The following GPATCH8 variants were observed in gnomAD, a reference collection of about 807,000 sequenced individuals.
GPATCH8 encodes G-patch domain containing 8, also known as G patch domain-containing protein 8.
GPATCH8 carries 18 observed loss-of-function variants against 118.3 expected under a neutral mutation model. That is an observed-to-expected ratio of 0.15 (90% CI 0.11 to 0.23). The LOEUF (loss-of-function observed/expected upper bound fraction) is 0.23. Among genes scored for constraint, GPATCH8 ranks in the 10% least tolerant of loss-of-function variants. The probability of loss-of-function intolerance (pLI) is 1.00; values close to 1 mark genes in which losing one functional copy is unlikely to be tolerated. For missense variants in GPATCH8, 1,631 were observed against 1,873.8 expected, an observed-to-expected ratio of 0.87 and a Z score of 2.39; for synonymous variants, 659 against 684.7, an observed-to-expected ratio of 0.96 and a Z score of 0.59.
intron 1 of GPATCH8, among the ~76,000 whole-genome samples, chr17:44,493,327 C>T (rs1453193240): frequency 1.3e-5 from 2 of 152,140 alleles, no homozygotes; most frequent in Non-Finnish European, 2.9e-5. Flanking sequence ...TCCCAAAGTG[C>T]TGGGATTACA....
intron 6 of GPATCH8, among the ~76,000 whole-genome samples, chr17:44,412,599 G>A (rs533409939): frequency 1.3e-5 from 2 of 152,000 alleles, no homozygotes; most frequent in African/African-American, 2.4e-5. Flanking sequence ...GGCCAGGCTG[G>A]TCTTGAACTC....
rs765237108 is a variant in GPATCH8 at position 44,400,734 on chromosome 17, G to A, written c.1343C>T (p.Ala448Val). The A allele has an allele frequency of 5.6e-6, 9 of 1,612,570 alleles. No individual in the cohort carries two copies. The highest frequency in any genetic ancestry group is 1.1e-5 in the South Asian group (1 of 90,956). The change falls in exon 8 of 8, where the codon GCG becomes GTG. Residue 448 changes from alanine (A) to valine (V), a missense_variant. Ala to Val is a moderately conservative substitution (Grantham distance 64). Transcript: ENST00000591680. ...SSPKPKSCIK[A>V]AASQGAEKTV... The stretch of plus-strand genomic sequence containing the variant: ...CTTTTCTGCTCCTTGGCTTGCTGCC[G>A]CCTTGATGCAGCTTTTAGGCTTGGG...
intron 6 of GPATCH8, among the ~76,000 whole-genome samples, chr17:44,422,045 T>C (rs530663152): frequency 5.3e-5 from 8 of 152,180 alleles, no homozygotes; most frequent in Non-Finnish European, 8.8e-5. Flanking sequence ...AATGCCATTT[T>C]TCCACCTAAA....
At chr17:44,425,848 C>CTA (rs747815697) in intron 5 of GPATCH8, among the ~76,000 whole-genome samples, 8 of 152,192 alleles carry the variant, frequency 5.3e-5, no homozygotes, top group Non-Finnish European at 7.4e-5. Context: ...AGCAACAAAA[C>CTA]TAGAGTTCCT....
chr17:44,491,027 A>C (rs1022115393), intron 1 of GPATCH8, among the ~76,000 whole-genome samples: 3 of 152,194 alleles, frequency 2.0e-5, no homozygotes, highest in African/African-American at 7.2e-5. Flanking sequence ...CCTTTATGTG[A>C]TTAAACTATG....
intron 1 of GPATCH8, among the ~76,000 whole-genome samples, chr17:44,484,656 T>C (rs1325605829): frequency 6.6e-6 from 1 of 152,180 alleles, no homozygotes; most frequent in African/African-American, 2.4e-5. Flanking sequence ...TGTTCTAGGA[T>C]CCCACAGAGG....
intron 1 of GPATCH8, among the ~76,000 whole-genome samples, chr17:44,481,560 T>G (rs1032192975): frequency 6.6e-6 from 1 of 152,174 alleles, no homozygotes; most frequent in Non-Finnish European, 1.5e-5. Flanking sequence ...ATACACTGGT[T>G]GTTGTGGTGG....
intron 5 of GPATCH8, among the ~76,000 whole-genome samples, chr17:44,434,566 G>A (rs1433279235): frequency 2.0e-5 from 3 of 152,090 alleles, no homozygotes; most frequent in Non-Finnish European, 4.4e-5. Flanking sequence ...TAGGCTTGGC[G>A]TGGTGGCTCA....
intron 3 of GPATCH8, among the ~76,000 whole-genome samples, chr17:44,460,986 G>A (rs540361123): frequency 2.0e-5 from 3 of 152,194 alleles, no homozygotes; most frequent in Non-Finnish European, 4.4e-5. Context: ...AGTCAGTTAT[G>A]AAACAAACTC....
intron 5 of GPATCH8, among the ~76,000 whole-genome samples, chr17:44,433,568 A>G (rs1400103990): frequency 6.6e-6 from 1 of 152,240 alleles, no homozygotes; most frequent in African/African-American, 2.4e-5. Flanking sequence ...GAAGATCTAT[A>G]ATGAGGTAAT....
chr17:44,454,056 A>AGAT (rs1434990572), intron 3 of GPATCH8, among the ~76,000 whole-genome samples: 1 of 152,150 alleles, frequency 6.6e-6, no homozygotes, highest in Non-Finnish European at 1.5e-5. Context: ...TGTATACATC[A>AGAT]GTATCTCCTA....
chr17:44,451,368 C>T (rs139179465), intron 3 of GPATCH8, among the ~76,000 whole-genome samples: 2,083 of 152,292 alleles, frequency 0.014, 22 homozygotes, highest in Non-Finnish European at 0.022. Flanking sequence ...GCTGTGATTA[C>T]AGTCGTGAGC....
At chr17:44,456,820 C>G (rs1257196469) in intron 3 of GPATCH8, among the ~76,000 whole-genome samples, 3 of 152,176 alleles carry the variant, frequency 2.0e-5, no homozygotes, top group African/African-American at 7.2e-5. Context: ...TTCTTTAGGT[C>G]TTTTCTCAAA....
chr17:44,424,282 T>G, intron 6 of GPATCH8, 67 bp downstream of exon 6: 6 of 1,093,506 alleles, frequency 5.5e-6, no homozygotes, highest in Non-Finnish European at 8.5e-6. Context: ...GGGGGTATAC[T>G]CATAAAATCC....
intron 1 of GPATCH8, among the ~76,000 whole-genome samples, chr17:44,495,225 T>C (rs982482034): frequency 6.6e-5 from 10 of 152,094 alleles, no homozygotes; most frequent in Non-Finnish European, 1.2e-4. Flanking sequence ...TCCCAGTTAC[T>C]CGTGAGGCTG....
At chr17:44,434,978 AAC>A (rs2050448141) in intron 5 of GPATCH8, 85 bp downstream of exon 5, 1 of 766,428 alleles carries the variant, frequency 1.3e-6, no homozygotes, top group African/African-American at 1.7e-5. Context: ...TGCTGTTAGC[AAC>A]AGTGATGATT....
chr17:44,476,016 C>T (rs926141353), intron 1 of GPATCH8, among the ~76,000 whole-genome samples: 2 of 151,768 alleles, frequency 1.3e-5, no homozygotes, highest in African/African-American at 2.4e-5. Flanking sequence ...GGGGACAGAA[C>T]GAGATCCTAT....
intron 6 of GPATCH8, 24 bp downstream of exon 6, chr17:44,424,325 T>C: frequency 6.6e-7 from 1 of 1,524,100 alleles, no homozygotes; most frequent in South Asian, 1.1e-5. Context: ...TACCTTCTTC[T>C]GTTAGCAAGT....
chr17:44,480,644 C>T (rs1302882215), intron 1 of GPATCH8, among the ~76,000 whole-genome samples: 1 of 150,878 alleles, frequency 6.6e-6, no homozygotes, highest in African/African-American at 2.4e-5. Flanking sequence ...CGCTTGAACC[C>T]GGAAGGAGGA....
Sources: gnomAD v4.1 joint callset for allele counts (sites outside exome capture counted in the v4.1 genomes callset) on GRCh38, gnomAD v4.1.1 for gene constraint, MANE v1.5 for transcripts, NCBI Gene and HGNC (gene_info 2026-07-23, HGNC 2026-07-21) for gene names.